CD5L: variants seen among roughly 807,000 people sequenced by gnomAD.
The protein encoded by CD5L is CD5 molecule like.
Under a neutral mutation model 40.8 loss-of-function variants are expected in CD5L, and 39 were observed. The ratio of observed to expected loss-of-function variants is 0.96; its 90% confidence interval spans 0.74 to 1.25. The LOEUF (loss-of-function observed/expected upper bound fraction) is 1.25. Among genes scored for constraint, CD5L ranks in the 50% most tolerant of loss-of-function variants. The pLI is 0.00. For missense variants in CD5L, 433 were observed against 435.9 expected, an observed-to-expected ratio of 0.99 and a Z score of 0.06; for synonymous variants, 192 against 169.6, an observed-to-expected ratio of 1.13 and a Z score of -1.03.
At chr1:157,840,635 A>AC (rs1656344996) in intron 1 of CD5L, among the ~76,000 whole-genome samples, 2 of 152,164 alleles carry the variant, frequency 1.3e-5, no homozygotes, top group African/African-American at 4.8e-5. Flanking sequence ...CATAACCCCA[A>AC]CCCAACATGT....
Position 157,834,594 on chromosome 1 carries a change from C to G in CD5L, c.531G>C (p.Arg177=). 1 of 1,614,174 alleles carries G rather than the reference C, an allele frequency of 6.2e-7. No individual in the cohort carries two copies. Among genetic ancestry groups the G allele is most frequent in the African/African-American group, 1.3e-5 (1 of 75,030 alleles). Residue 177 remains arginine, a synonymous_variant, in exon 4 of 6, where the codon CGG becomes CGC. Coordinates refer to ENST00000368174, the MANE Select transcript of CD5L (RefSeq NM_005894.3). ...GTACAGCCCTCCCACATCCCAGCTG[C>G]CGGCACACCACCTTTGCGGCCCGGA... ...WSLRAAKVVC[R]QLGCGRAVLT... is the part of the protein sequence containing the mutation.
intron 5 of CD5L, among the ~76,000 whole-genome samples, chr1:157,832,200 T>C (rs577885624): frequency 2.6e-4 from 40 of 152,312 alleles, no homozygotes; most frequent in African/African-American, 9.4e-4. Context: ...TCTATCAACA[T>C]ATCTTATCCT....
chr1:157,830,087 A>G (rs1656007918), downstream of CD5L, among the ~76,000 whole-genome samples: 1 of 152,190 alleles, frequency 6.6e-6, no homozygotes, highest in African/African-American at 2.4e-5. Context: ...CTACAATGGA[A>G]CTGCGGGTTA....
chr1:157,839,439 G>A, intron 1 of CD5L, 29 bp from the exon 2 acceptor site: 3 of 1,609,734 alleles, frequency 1.9e-6, no homozygotes, highest in Non-Finnish European at 2.5e-6. Flanking sequence ...AATGAGTGAG[G>A]TCAATTTCCA....
chr1:157,829,610 T>C (rs148050012), downstream of CD5L, among the ~76,000 whole-genome samples: 34 of 152,362 alleles, frequency 2.2e-4, no homozygotes, highest in Middle Eastern at 3.4e-3. Flanking sequence ...TTCAGATCCA[T>C]AAACATGATG....
intron 2 of CD5L, 56 bp from the exon 3 acceptor site, chr1:157,836,211 G>T: frequency 6.9e-7 from 1 of 1,451,818 alleles, no homozygotes; most frequent in Non-Finnish European, 9.4e-7. Context: ...AGGGTCCTTA[G>T]GCATGTACTC....
chr1:157,839,154 CA>C (rs1656296477), intron 2 of CD5L, among the ~76,000 whole-genome samples: 1 of 152,188 alleles, frequency 6.6e-6, no homozygotes, highest in Non-Finnish European at 1.5e-5. Context: ...CAAGTGGCCA[CA>C]GAAACCAAGT....
At position 157,834,766 on chromosome 1, in the gene CD5L, G is replaced by A; in HGVS notation, c.377-18C>T. ...CTCTGGGTCTGAGGGGAAAGAAAGA[G>A]AGCGTGTCTGTTCTCTGCCAGAACA... On this transcript the variant is annotated intron_variant, in intron 3 of 5. Transcript: ENST00000368174. 6.3e-7 allele frequency: 1 copy of A among 1,594,566 alleles called. No homozygotes were observed. Among genetic ancestry groups the A allele is most frequent in the African/African-American group, 1.3e-5 (1 of 74,626 alleles).
rs1478419332 is a variant in CD5L, at chr1:157,831,096, A to T, written c.*868T>A. 1 of 985,288 alleles carries T rather than the reference A, an allele frequency of 1.0e-6. No individual in the cohort carries two copies. The highest frequency in any genetic ancestry group is 1.1e-4 in the East Asian group (1 of 8,830). 61.0% of individuals were successfully genotyped at this position (985,288 alleles called of 1,614,324 possible). A position where few individuals can be genotyped will look rare whatever the true frequency, so the allele number is the denominator to read the frequency against. ...AGTCTCAGTTGATAAAGTGAAAATG[A>T]TATTTTTCACTTTCGCTTGGCATAA... On this transcript the variant is annotated 3_prime_UTR_variant, in exon 6 of 6. Coordinates refer to ENST00000368174, the MANE Select transcript of CD5L (RefSeq NM_005894.3).
chr1:157,831,968 C>T lies in CD5L; in HGVS notation c.1040G>A (p.Gly347Glu). The T allele has an allele frequency of 6.3e-7, 1 of 1,587,444 alleles. No homozygotes were observed. The highest frequency in any genetic ancestry group is 8.6e-7 in the Non-Finnish European group (1 of 1,168,576). The change falls in exon 6 of 6, where the codon GGA becomes GAA. Residue 347 changes from glycine (G) to glutamate (E), a missense_variant and splice_region_variant. By Grantham distance (98) the Gly-to-Glu change is moderately conservative. Transcript: ENST00000368174. ...HQEDVAVICS[G>E] ...AGGTCAAGCAACACCAGGATACTAT[C>T]CTATAAAGAGAAGAGGAAAATGCAG...
Position 157,834,587 on chromosome 1 carries a change from C to T in CD5L, c.538G>A (p.Gly180Arg), listed in dbSNP as rs781096737. ...TGAGTCAGTACAGCCCTCCCACATC[C>T]CAGCTGCCGGCACACCACCTTTGCG... is the stretch of plus-strand genomic sequence containing the variant. ...RAAKVVCRQL[G>R]CGRAVLTQKR... Residue 180 changes from glycine (G) to arginine (R), a missense_variant, in exon 4 of 6, where the codon GGA becomes AGA. Physicochemically the swap from Gly to Arg is moderately radical, Grantham distance 125. Coordinates refer to ENST00000368174, the MANE Select transcript of CD5L (RefSeq NM_005894.3). 2 of 1,614,190 alleles carry T rather than the reference C, an allele frequency of 1.2e-6. No individual in the cohort carries two copies. The highest frequency in any genetic ancestry group is 3.3e-5 in the Admixed American group (2 of 60,028).
chr1:157,832,830 T>C (rs1453435220), intron 5 of CD5L, among the ~76,000 whole-genome samples: 1 of 152,202 alleles, frequency 6.6e-6, no homozygotes, highest in Non-Finnish European at 1.5e-5. Flanking sequence ...AAAGCAATTT[T>C]AATGCTTTTG....
At chr1:157,836,495 A>G (rs1656218349) in intron 2 of CD5L, among the ~76,000 whole-genome samples, 1 of 152,362 alleles carries the variant, frequency 6.6e-6, no homozygotes, top group East Asian at 1.9e-4. Flanking sequence ...AGAAGGCCCT[A>G]AAGAGATCAT....
Position 157,831,543 on chromosome 1 carries a change from C to T in CD5L, c.*421G>A. 1 of 997,816 alleles carries T rather than the reference C, an allele frequency of 1.0e-6. No homozygotes were observed. The allele number at this position is 997,816 out of a possible 1,614,324, so 61.8% of individuals were successfully genotyped here. The stretch of plus-strand genomic sequence containing the variant: ...CTTTCAAATGTTCCTTTCATTGTTT[C>T]ATTCCTTTAATGTTTGCAGACATAG... On this transcript the variant is annotated 3_prime_UTR_variant, in exon 6 of 6. Transcript: ENST00000368174.
chr1:157,833,675 C>T (rs2101936790), intron 4 of CD5L, among the ~76,000 whole-genome samples, 163 bp from the exon 5 acceptor site: 1 of 151,884 alleles, frequency 6.6e-6, no homozygotes, highest in Admixed American at 6.6e-5. Context: ...GTGTGATCAC[C>T]ACTCATTGCA....
chr1:157,840,557 A>G (rs1656342564), intron 1 of CD5L, among the ~76,000 whole-genome samples: 1 of 152,156 alleles, frequency 6.6e-6, no homozygotes, highest in Non-Finnish European at 1.5e-5. Context: ...GGCCACTCTC[A>G]GGCTCAATGA....
chr1:157,835,781 G>A, intron 3 of CD5L, 54 bp downstream of exon 3: 6 of 1,430,708 alleles, frequency 4.2e-6, no homozygotes, highest in East Asian at 2.3e-5. Context: ...CAACAAGAGT[G>A]GCCGTGAGGG....
intron 5 of CD5L, 141 bp from the exon 6 acceptor site, chr1:157,832,109 A>G: frequency 1.7e-6 from 1 of 586,264 alleles, no homozygotes; most frequent in Non-Finnish European, 2.9e-6. Flanking sequence ...TCCCACACTG[A>G]TGTGAGCCAG....
chr1:157,833,730 C>T (rs540178915), intron 4 of CD5L, among the ~76,000 whole-genome samples: 91 of 150,782 alleles, frequency 6.0e-4, no homozygotes, highest in Admixed American at 8.6e-4. Context: ...CTCAGCCTCC[C>T]GAGTAGCTGG....
Sources: gnomAD v4.1 joint callset for allele counts (sites outside exome capture counted in the v4.1 genomes callset) on GRCh38, gnomAD v4.1.1 for gene constraint, MANE v1.5 for transcripts, NCBI Gene and HGNC (gene_info 2026-07-23, HGNC 2026-07-21) for gene names.